The following FAM135B variants were observed in gnomAD, a reference collection of about 807,000 sequenced individuals.
FAM135B encodes the protein family with sequence similarity 135 member B.
In FAM135B, 43 loss-of-function variants were observed where a neutral mutation model predicts 127.7. That is an observed-to-expected ratio of 0.34 (90% CI 0.26 to 0.43). The LOEUF (loss-of-function observed/expected upper bound fraction) is 0.43. Among genes scored for constraint, FAM135B ranks in the 20% least tolerant of loss-of-function variants. The pLI, the probability that FAM135B is intolerant of heterozygous loss-of-function variation, is 1.00. For synonymous variants in FAM135B, 670 were observed against 665.1 expected (o/e 1.01, Z -0.11); for missense variants, 1,558 against 1,725.6 (o/e 0.90, Z 1.72).
Position 138,282,736 on chromosome 8 carries a change from C to T in FAM135B, c.158-16894G>A, listed in dbSNP as rs533876254. 4.6e-5 allele frequency among the ~76,000 whole-genome samples: 7 copies of T among 152,212 alleles called. No homozygotes were observed. In the East Asian group the frequency reaches 9.6e-4, roughly 21 times the overall value. ...AACTCTCATTCACGACATGTGGGAACGGAAAAGGGCACAGACACTTTGGGA... is the reference window on the plus strand; with the variant it reads ...AACTCTCATTCACGACATGTGGGAATGGAAAAGGGCACAGACACTTTGGGA... On this transcript the variant is annotated intron_variant, in intron 3 of 19. Coordinates refer to ENST00000395297, the MANE Select transcript of FAM135B (RefSeq NM_015912.4).
At chr8:138,323,567 GA>G (rs1334501824) in intron 2 of FAM135B, among the ~76,000 whole-genome samples, 1 of 152,194 alleles carries the variant, frequency 6.6e-6, no homozygotes, top group Non-Finnish European at 1.5e-5. Context: ...AGCAGAAGGA[GA>G]AGTCTGAGTC....
intron 1 of FAM135B, among the ~76,000 whole-genome samples, chr8:138,412,121 C>T (rs1047449932): frequency 2.6e-5 from 4 of 152,254 alleles, no homozygotes; most frequent in East Asian, 3.9e-4. Flanking sequence ...ATACTATGCC[C>T]GCTACCTGGG....
At chr8:138,473,139 C>T (rs566245058) in intron 1 of FAM135B, among the ~76,000 whole-genome samples, 2 of 152,066 alleles carry the variant, frequency 1.3e-5, no homozygotes, top group Non-Finnish European at 2.9e-5. Flanking sequence ...CTGCTTTTCT[C>T]GTGACGACTT....
At chr8:138,387,981 G>A (rs990666540) in intron 1 of FAM135B, among the ~76,000 whole-genome samples, 11 of 152,086 alleles carry the variant, frequency 7.2e-5, no homozygotes, top group Non-Finnish European at 1.0e-4. Context: ...AAGAGGATAC[G>A]CAAATGGCCA....
intron 14 of FAM135B, among the ~76,000 whole-genome samples, chr8:138,146,828 G>A (rs1817695455): frequency 6.6e-6 from 1 of 152,164 alleles, no homozygotes; most frequent in African/African-American, 2.4e-5. Context: ...AAAGTTCCCT[G>A]TACAGTTGAA....
At chr8:138,337,809 T>C (rs1044103138) in intron 2 of FAM135B, among the ~76,000 whole-genome samples, 1 of 152,234 alleles carries the variant, frequency 6.6e-6, no homozygotes, top group Admixed American at 6.5e-5. Flanking sequence ...AAATCAATCC[T>C]AAGCCAAAAG....
chr8:138,137,359 G>A, intron 18 of FAM135B, 99 bp from the exon 19 acceptor site: 1 of 726,002 alleles, frequency 1.4e-6, no homozygotes, highest in Non-Finnish European at 2.5e-6. Context: ...CCTATAGAGA[G>A]AAAAAATGTT....
At chr8:138,186,242 C>T (rs969608762) in intron 9 of FAM135B, among the ~76,000 whole-genome samples, 28 of 152,194 alleles carry the variant, frequency 1.8e-4, no homozygotes, top group Non-Finnish European at 3.1e-4. Flanking sequence ...ATCTATTTCT[C>T]ATTGAGCTGC....
chr8:138,340,442 T>C (rs1828963942), intron 2 of FAM135B, among the ~76,000 whole-genome samples: 1 of 152,108 alleles, frequency 6.6e-6, no homozygotes, highest in East Asian at 1.9e-4. Flanking sequence ...CCCACATCCT[T>C]ATGTCCATGC....
intron 3 of FAM135B, among the ~76,000 whole-genome samples, chr8:138,277,104 G>C (rs1029181707): frequency 6.6e-6 from 1 of 152,146 alleles, no homozygotes; most frequent in Non-Finnish European, 1.5e-5. Context: ...CTCGAGTTTT[G>C]TCTTCTTAGC....
At chr8:138,436,931 G>C (rs975942860) in intron 1 of FAM135B, 1 of 152,176 alleles carries the variant, frequency 6.6e-6, no homozygotes, top group Non-Finnish European at 1.5e-5. Context: ...AGATTTCCTT[G>C]CCTTTGTCCC....
intron 1 of FAM135B, among the ~76,000 whole-genome samples, chr8:138,394,777 CA>C (rs953470972): frequency 1.3e-5 from 2 of 152,154 alleles, no homozygotes; most frequent in African/African-American, 2.4e-5. Context: ...TCCTGGGACC[CA>C]CTGCTACTGG....
At chr8:138,167,494 C>T (rs377236867) in intron 12 of FAM135B, among the ~76,000 whole-genome samples, 2 of 152,284 alleles carry the variant, frequency 1.3e-5, no homozygotes, top group East Asian at 1.9e-4. Flanking sequence ...CGGCGTCCAG[C>T]CTTTGGCCCA....
At chr8:138,161,713 G>T (rs962835654) in intron 12 of FAM135B, among the ~76,000 whole-genome samples, 4 of 152,098 alleles carry the variant, frequency 2.6e-5, no homozygotes, top group Non-Finnish European at 5.9e-5. Flanking sequence ...TTACCAGGGC[G>T]CATTCTTTGC....
chr8:138,422,125 A>G (rs1185002859), intron 1 of FAM135B, among the ~76,000 whole-genome samples: 1 of 152,180 alleles, frequency 6.6e-6, no homozygotes, highest in Non-Finnish European at 1.5e-5. Context: ...TCAACACAAA[A>G]TGGATTAAAG....
chr8:138,163,025 T>G (rs1428130041), intron 12 of FAM135B, among the ~76,000 whole-genome samples: 1 of 152,204 alleles, frequency 6.6e-6, no homozygotes, highest in Non-Finnish European at 1.5e-5. Flanking sequence ...CTATTGCAAC[T>G]ATAGAAAAAT....
chr8:138,488,638 G>C (rs1815079341), intron 1 of FAM135B, among the ~76,000 whole-genome samples: 1 of 151,724 alleles, frequency 6.6e-6, no homozygotes, highest in African/African-American at 2.4e-5. Context: ...GTTTTTGTTT[G>C]TTTTTTTGTG....
At chr8:138,207,326 A>T (rs572684892) in intron 7 of FAM135B, among the ~76,000 whole-genome samples, 1 of 150,368 alleles carries the variant, frequency 6.7e-6, no homozygotes, top group East Asian at 2.0e-4. Flanking sequence ...CAAGTGTCCC[A>T]GCCTCCCAAC....
intron 1 of FAM135B, among the ~76,000 whole-genome samples, chr8:138,419,872 A>C (rs963872672): frequency 2.0e-5 from 3 of 152,100 alleles, no homozygotes; most frequent in Non-Finnish European, 4.4e-5. Flanking sequence ...ATAGTGCTAA[A>C]CACCTACATC....
Sources: gnomAD v4.1 joint callset for allele counts (sites outside exome capture counted in the v4.1 genomes callset) on GRCh38, gnomAD v4.1.1 for gene constraint, MANE v1.5 for transcripts, NCBI Gene and HGNC (gene_info 2026-07-23, HGNC 2026-07-21) for gene names.